Variants in AKT1 observed in about 807,000 individuals in gnomAD.
AKT1 encodes AKT serine/threonine kinase 1.
AKT1 carries 21 observed loss-of-function variants against 63.1 expected under a neutral mutation model. The observed-to-expected ratio is 0.33, with a 90% CI of 0.24 to 0.48. The LOEUF (loss-of-function observed/expected upper bound fraction) is 0.48, where lower values mean the gene tolerates loss of function less well. Ranked by LOEUF, AKT1 falls within the 20% of genes least tolerant of loss-of-function variation. The pLI, the probability that AKT1 is intolerant of heterozygous loss-of-function variation, is 0.99. For synonymous variants in AKT1, 257 were observed against 253.1 expected (o/e 1.02, Z -0.15); for missense variants, 382 against 666.0 (o/e 0.57, Z 4.69).
intron 4 of AKT1, chr14:104,777,399 G>C: frequency 3.0e-6 from 1 of 329,590 alleles, no homozygotes. Context: ...CACACCTGAG[G>C]CACACACCTG....
In AKT1 at chr14:104,775,206, G is replaced by T; in HGVS notation, c.437C>A (p.Thr146Asn). 2 of 1,613,800 alleles carry T rather than the reference G, an allele frequency of 1.2e-6. No individual in the cohort carries two copies. The highest frequency in any genetic ancestry group is 1.3e-5 in the African/African-American group (1 of 75,066). ...CTTCAGGTACTCAAACTCGTTCATG[G>T]TCTATGGGCAGGCACCAGGGTCAGC... The part of the protein sequence containing the change: ...VSLAKPKHRV[T>N]MNEFEYLKLL... The change falls in exon 7 of 15, where the codon ACC becomes AAC. Residue 146 changes from threonine (T) to asparagine (N), a missense_variant and splice_region_variant. By Grantham distance (65) the Thr-to-Asn change is moderately conservative. Transcript: ENST00000649815.
chr14:104,788,375 A>T (rs1014906246), intron 3 of AKT1, among the ~76,000 whole-genome samples: 5 of 152,114 alleles, frequency 3.3e-5, no homozygotes, highest in Non-Finnish European at 7.4e-5. Context: ...GGTAATGAGC[A>T]GCCTCCATCT....
rs562656821 is a variant in AKT1 at position 104,771,068 on chromosome 14, G to A, written c.1261-221C>T. On this transcript the variant is annotated intron_variant, in intron 13 of 14. Transcript: ENST00000649815. ...GGAGACAACCCTCAACAGCTGAGAC[G>A]CAAAGCTGCCCTCACAGCAGCCCCA... The A allele has an allele frequency of 1.8e-5, 10 of 552,816 alleles. 1 individual carries two copies. The highest frequency in any genetic ancestry group is 9.5e-5 in the South Asian group (4 of 41,954). 34.2% of individuals were successfully genotyped at this position (552,816 alleles called of 1,614,324 possible).
At chr14:104,784,082 C>T (rs550781846) in intron 3 of AKT1, among the ~76,000 whole-genome samples, 2 of 152,266 alleles carry the variant, frequency 1.3e-5, no homozygotes, top group South Asian at 2.1e-4. Context: ...CCGGTTCCCT[C>T]GGCAGCGGGG....
chr14:104,784,823 C>A lies in AKT1; in HGVS notation c.47-4607G>T, dbSNP rs184813004. Among the ~76,000 whole-genome samples the A allele has an allele frequency of 7.9e-4, 121 of 152,322 alleles. 1 individual carries two copies. The highest frequency in any genetic ancestry group is 2.7e-3 in the African/African-American group (114 of 41,578). ...CGCGCCATGGGCAGGACTGGGTGGG[C>A]CCCTGAGGGCCAGCTGGTGGCCCTC... On this transcript the variant is annotated intron_variant, in intron 3 of 14. Transcript: ENST00000649815.
chr14:104,788,112 G>C (rs887059341), intron 3 of AKT1, among the ~76,000 whole-genome samples: 1 of 152,166 alleles, frequency 6.6e-6, no homozygotes, highest in Non-Finnish European at 1.5e-5. Flanking sequence ...GCCTGCCCAC[G>C]GGGGCCGTTC....
chr14:104,789,831 T>C (rs990626603), intron 3 of AKT1, among the ~76,000 whole-genome samples: 8 of 152,148 alleles, frequency 5.3e-5, no homozygotes, highest in African/African-American at 1.9e-4. Flanking sequence ...CCCTGTTAGA[T>C]GTGCAGACCC....
chr14:104,784,362 C>T (rs544004241), intron 3 of AKT1, among the ~76,000 whole-genome samples: 4 of 152,182 alleles, frequency 2.6e-5, no homozygotes, highest in African/African-American at 9.6e-5. Flanking sequence ...TGGCTGCCCT[C>T]GGTGGGGGGT....
intron 3 of AKT1, among the ~76,000 whole-genome samples, chr14:104,791,474 G>A (rs983410926): frequency 2.0e-5 from 3 of 152,154 alleles, no homozygotes; most frequent in Admixed American, 6.5e-5. Context: ...GGCCCCGCGT[G>A]CCATCACTGG....
intron 3 of AKT1, among the ~76,000 whole-genome samples, chr14:104,784,305 C>T (rs892818763): frequency 3.3e-5 from 5 of 152,204 alleles, no homozygotes; most frequent in African/African-American, 1.2e-4. Flanking sequence ...CCGTAACCCT[C>T]CCCACCAGCC....
intron 12 of AKT1, among the ~76,000 whole-genome samples, 160 bp downstream of exon 12, chr14:104,772,718 C>T (rs1892461185): frequency 6.6e-6 from 1 of 152,212 alleles, no homozygotes; most frequent in Non-Finnish European, 1.5e-5. Context: ...CGCCACTCTG[C>T]TTGGGCCTGA....
intron 3 of AKT1, among the ~76,000 whole-genome samples, chr14:104,791,879 G>T (rs1213026339): frequency 1.3e-5 from 2 of 152,364 alleles, no homozygotes; most frequent in Non-Finnish European, 2.9e-5. Flanking sequence ...TGAACAGGAA[G>T]CCCACCCTAG....
intron 13 of AKT1, chr14:104,771,421 C>T (rs969483845): frequency 1.7e-5 from 4 of 232,202 alleles, no homozygotes; most frequent in Admixed American, 1.1e-4. Context: ...AGGACCCCCT[C>T]AAGCACTGCC....
intron 3 of AKT1, chr14:104,786,415 C>G (rs1893333900): frequency 6.6e-6 from 1 of 152,118 alleles, no homozygotes; most frequent in Admixed American, 6.5e-5. Flanking sequence ...GGCACGGGCA[C>G]AGGCTCCTTC....
At chr14:104,786,478 T>G (rs1033362438) in intron 3 of AKT1, 2 of 152,178 alleles carry the variant, frequency 1.3e-5, no homozygotes, top group African/African-American at 4.8e-5. Flanking sequence ...CCTCCTCCCG[T>G]CTCTCTTGGG....
At chr14:104,779,938 G>A (rs963931888) in intron 4 of AKT1, 150 bp downstream of exon 4, 19 of 1,187,552 alleles carry the variant, frequency 1.6e-5, no homozygotes, top group South Asian at 1.6e-4. Context: ...CTCGGGACTC[G>A]GCCCAGAGAC....
In AKT1 at chr14:104,770,138, AC is replaced by A; in HGVS notation, c.*202del. On this transcript the variant is annotated 3_prime_UTR_variant, in exon 15 of 15. Transcript: ENST00000649815. ...AACAAACTGGATGAAATAAATTAAA[AC>A]CCGCAGGATAGTTTTCTTCCCTACC... 1 of 612,512 alleles carries A rather than the reference AC, an allele frequency of 1.6e-6. No individual in the cohort carries two copies. Among genetic ancestry groups the A allele is most frequent in the South Asian group, 1.9e-5 (1 of 51,770 alleles). 37.9% of individuals were successfully genotyped at this position (612,512 alleles called of 1,614,324 possible). A position where few individuals can be genotyped will look rare whatever the true frequency, so the allele number is the denominator to read the frequency against.
At chr14:104,792,759 C>A in intron 2 of AKT1, 37 bp from the exon 3 acceptor site, 1 of 1,335,548 alleles carries the variant, frequency 7.5e-7, no homozygotes, top group South Asian at 1.2e-5. Context: ...TGAGGCCACG[C>A]CTGGCTAAGG....
intron 3 of AKT1, 130 bp downstream of exon 3, chr14:104,792,468 C>T: frequency 1.8e-6 from 2 of 1,090,514 alleles, no homozygotes; most frequent in Non-Finnish European, 2.8e-6. Context: ...AGGACACTCA[C>T]CCTAGGCCAG....
Sources: allele counts gnomAD v4.1 joint callset (sites outside exome capture counted in the v4.1 genomes callset), GRCh38; gene constraint gnomAD v4.1.1; transcripts MANE v1.5; gene names NCBI Gene and HGNC (gene_info 2026-07-23, HGNC 2026-07-21).